The following CAMTA1 variants were observed in gnomAD, a reference collection of about 807,000 sequenced individuals.
The protein encoded by CAMTA1 is calmodulin binding transcription activator 1, also known as calmodulin-binding transcription activator 1.
In CAMTA1, 27 loss-of-function variants were observed where a neutral mutation model predicts 170.9. The observed-to-expected ratio is 0.16, with a 90% CI of 0.12 to 0.22. CAMTA1 has a LOEUF of 0.22. Ranked by LOEUF, CAMTA1 falls within the 10% of genes least tolerant of loss-of-function variation. The probability of loss-of-function intolerance (pLI) is 1.00; values close to 1 mark genes in which losing one functional copy is unlikely to be tolerated. For missense variants in CAMTA1, 1,619 were observed against 2,217.2 expected (o/e 0.73, Z 5.42); for synonymous variants, 833 against 891.5 (o/e 0.93, Z 1.17).
At chr1:6,880,822 C>T (rs1336003490) in intron 3 of CAMTA1, among the ~76,000 whole-genome samples, 2 of 151,948 alleles carry the variant, frequency 1.3e-5, no homozygotes, top group Non-Finnish European at 2.9e-5. Context: ...TTATTGAATA[C>T]CGAGTACTAG....
At chr1:7,185,719 C>T (rs879606162) in intron 4 of CAMTA1, among the ~76,000 whole-genome samples, 1 of 152,166 alleles carries the variant, frequency 6.6e-6, no homozygotes, top group Admixed American at 6.5e-5. Flanking sequence ...GACCTGACAT[C>T]GTTTCTGTGA....
At chr1:7,125,247 G>T (rs1205643542) in intron 4 of CAMTA1, among the ~76,000 whole-genome samples, 3 of 152,004 alleles carry the variant, frequency 2.0e-5, no homozygotes, top group Non-Finnish European at 4.4e-5. Context: ...GTCAGCCTGG[G>T]GGACACTAGA....
chr1:6,875,208 T>G (rs938619239), intron 3 of CAMTA1, among the ~76,000 whole-genome samples: 2 of 152,212 alleles, frequency 1.3e-5, no homozygotes, highest in Non-Finnish European at 2.9e-5. Context: ...CAAACCTGGC[T>G]GAGCCACTCC....
Position 7,738,575 on chromosome 1 carries a change from C to A in CAMTA1, c.4182+93C>A. The A allele has an allele frequency of 7.1e-7, 1 of 1,407,784 alleles. No individual in the cohort carries two copies. Among genetic ancestry groups the A allele is most frequent in the Non-Finnish European group, 9.6e-7 (1 of 1,045,574 alleles). 87.2% of individuals were successfully genotyped at this position (1,407,784 alleles called of 1,614,324 possible). A position where few individuals can be genotyped will look rare whatever the true frequency, so the allele number is the denominator to read the frequency against. On this transcript the variant is annotated intron_variant, in intron 16 of 22. Coordinates refer to ENST00000303635, the MANE Select transcript of CAMTA1 (RefSeq NM_015215.4). The surrounding 1 kb of genome is among the most constrained non-coding windows in gnomAD (Gnocchi z 4.9). ...CATTTCCGAAGGTTGTGTCATTTTCCTCCCCGTGAAGCCTTCGAAGTTGGC... is the reference window on the plus strand; with the variant it reads ...CATTTCCGAAGGTTGTGTCATTTTCATCCCCGTGAAGCCTTCGAAGTTGGC...
At chr1:7,765,405 A>C (rs1377548029) in intron 22 of CAMTA1, among the ~76,000 whole-genome samples, 2 of 152,220 alleles carry the variant, frequency 1.3e-5, no homozygotes, top group Non-Finnish European at 2.9e-5. Flanking sequence ...GATAATTAAT[A>C]AGTAATTTGC....
At chr1:7,148,462 T>G (rs1646375361) in intron 4 of CAMTA1, among the ~76,000 whole-genome samples, 1 of 150,204 alleles carries the variant, frequency 6.7e-6, no homozygotes, top group Non-Finnish European at 1.5e-5. Flanking sequence ...CTCCTTCTTC[T>G]CCCTGTGCTG....
intron 5 of CAMTA1, among the ~76,000 whole-genome samples, chr1:7,321,431 C>T (rs1256624205): frequency 4.6e-5 from 7 of 152,190 alleles, no homozygotes. Context: ...AGAGGGGAGC[C>T]ACTGCTGAAC....
chr1:7,308,471 A>G (rs559768072), intron 5 of CAMTA1, among the ~76,000 whole-genome samples: 61 of 152,116 alleles, frequency 4.0e-4, no homozygotes, highest in Admixed American at 1.5e-3. Context: ...TTCTTTTCTA[A>G]TGTGAACATT....
chr1:7,062,821 C>T (rs968627022), intron 3 of CAMTA1, among the ~76,000 whole-genome samples: 9 of 152,200 alleles, frequency 5.9e-5, no homozygotes, highest in African/African-American at 1.4e-4. Flanking sequence ...CCCCTCCTAG[C>T]GTCTGCTATT....
rs1221940583 is a variant in CAMTA1 at position 7,609,547 on chromosome 1, C to T, written c.511-30853C>T. The stretch of plus-strand genomic sequence containing the variant: ...GGGCCTGCCACCCCTCTCTCAGGCT[C>T]CAGTCCAGCCCTGCAGGAGTGAGCC... On this transcript the variant is annotated intron_variant, in intron 6 of 22. Transcript: ENST00000303635. The surrounding 1 kb of genome is among the most constrained non-coding windows in gnomAD (Gnocchi z 4.4). Among the ~76,000 whole-genome samples the T allele has an allele frequency of 6.6e-6, 1 of 152,204 alleles. No individual in the cohort carries two copies. Among genetic ancestry groups the T allele is most frequent in the African/African-American group, 2.4e-5 (1 of 41,440 alleles).
intron 5 of CAMTA1, among the ~76,000 whole-genome samples, chr1:7,328,115 G>C (rs2082802873): frequency 6.6e-6 from 1 of 152,116 alleles, no homozygotes; most frequent in South Asian, 2.1e-4. Flanking sequence ...TGATGTACTA[G>C]GTGAGGGTTT....
intron 3 of CAMTA1, among the ~76,000 whole-genome samples, chr1:7,031,425 A>T (rs771014933): frequency 6.6e-6 from 1 of 152,192 alleles, no homozygotes; most frequent in Non-Finnish European, 1.5e-5. Context: ...TTAGTGTTGC[A>T]ATGGTATATC....
intron 5 of CAMTA1, among the ~76,000 whole-genome samples, chr1:7,290,084 G>A (rs1292517435): frequency 1.3e-5 from 2 of 152,232 alleles, no homozygotes; most frequent in African/African-American, 4.8e-5. Context: ...GAAGCCCTGA[G>A]AGACTGATAT....
At chr1:7,398,099 A>G (rs2089473414) in intron 5 of CAMTA1, among the ~76,000 whole-genome samples, 1 of 142,528 alleles carries the variant, frequency 7.0e-6, no homozygotes, top group Non-Finnish European at 1.5e-5. Context: ...GGAGTCTCCT[A>G]CTATTATTGT....
At chr1:7,242,501 G>T (rs1665032429) in intron 4 of CAMTA1, among the ~76,000 whole-genome samples, 1 of 152,138 alleles carries the variant, frequency 6.6e-6, no homozygotes, top group East Asian at 1.9e-4. Context: ...TTTCTTGTAG[G>T]GTAGGTATGA....
chr1:7,578,220 G>T (rs1021325119), intron 6 of CAMTA1, among the ~76,000 whole-genome samples: 3 of 152,172 alleles, frequency 2.0e-5, no homozygotes, highest in Admixed American at 2.0e-4. Context: ...AATCTAGGTG[G>T]TCACACCCAG....
chr1:7,566,499 C>T (rs1472251410), intron 6 of CAMTA1, among the ~76,000 whole-genome samples: 8 of 152,126 alleles, frequency 5.3e-5, no homozygotes, highest in Non-Finnish European at 1.0e-4. Context: ...GCCCCTGCCT[C>T]GCTTCCTTTC....
At chr1:7,733,508 A>C (rs779964863) in intron 12 of CAMTA1, among the ~76,000 whole-genome samples, 6 of 152,196 alleles carry the variant, frequency 3.9e-5, no homozygotes, top group Non-Finnish European at 8.8e-5. Flanking sequence ...GTAAATTACC[A>C]AACATTGTTT....
chr1:7,191,879 C>T (rs1365208920), intron 4 of CAMTA1, among the ~76,000 whole-genome samples: 1 of 152,156 alleles, frequency 6.6e-6, no homozygotes, highest in Non-Finnish European at 1.5e-5. Flanking sequence ...AATGCAGAAC[C>T]GCTGGGCATC....
Sources: allele counts gnomAD v4.1 joint callset (sites outside exome capture counted in the v4.1 genomes callset), GRCh38; gene constraint gnomAD v4.1.1; non-coding constraint Gnocchi (gnomAD v3.1); transcripts MANE v1.5; gene names NCBI Gene and HGNC (gene_info 2026-07-23, HGNC 2026-07-21).